GRID2: variants seen among roughly 807,000 people sequenced by gnomAD.
GRID2 encodes glutamate receptor ionotropic, delta-2.
GRID2 carries 33 observed loss-of-function variants against 114.8 expected under a neutral mutation model. That is an observed-to-expected ratio of 0.29 (90% CI 0.22 to 0.38). The LOEUF (loss-of-function observed/expected upper bound fraction) is 0.38. Among genes scored for constraint, GRID2 ranks in the 10% least tolerant of loss-of-function variants. The pLI, the probability that GRID2 is intolerant of heterozygous loss-of-function variation, is 1.00. For synonymous variants in GRID2, 505 were observed against 449.9 expected (o/e 1.12, Z -1.55); for missense variants, 1,184 against 1,257.7 (o/e 0.94, Z 0.89).
At chr4:93,478,569 A>T (rs563477780) in intron 11 of GRID2, among the ~76,000 whole-genome samples, 4 of 151,476 alleles carry the variant, frequency 2.6e-5, no homozygotes, top group African/African-American at 9.6e-5. Context: ...ATTAAATATG[A>T]TAAAATATTA....
At chr4:93,169,916 T>C (rs538156319) in intron 4 of GRID2, among the ~76,000 whole-genome samples, 11 of 152,334 alleles carry the variant, frequency 7.2e-5, no homozygotes, top group South Asian at 2.1e-4. Flanking sequence ...ATGACACTTA[T>C]AAATATGCAA....
chr4:92,428,564 C>G (rs1008001055), intron 1 of GRID2, among the ~76,000 whole-genome samples: 1 of 151,936 alleles, frequency 6.6e-6, no homozygotes, highest in South Asian at 2.1e-4. Flanking sequence ...TAGCATTTAT[C>G]ATAATTTTCT....
intron 9 of GRID2, among the ~76,000 whole-genome samples, chr4:93,412,385 C>T (rs2149354417): frequency 6.6e-6 from 1 of 152,208 alleles, no homozygotes; most frequent in South Asian, 2.1e-4. Context: ...GATAACAAGA[C>T]CCCATATCTT....
intron 3 of GRID2, among the ~76,000 whole-genome samples, chr4:93,095,111 G>A (rs1236594024): frequency 3.3e-5 from 5 of 151,780 alleles, no homozygotes; most frequent in African/African-American, 4.8e-5. Context: ...TAAAACACTA[G>A]CAAGACCATT....
chr4:93,171,893 G>A (rs761951215), intron 4 of GRID2, among the ~76,000 whole-genome samples: 2 of 152,098 alleles, frequency 1.3e-5, no homozygotes, highest in Non-Finnish European at 2.9e-5. Context: ...TATGACCAGA[G>A]GTGTGTTAGT....
At chr4:93,726,126 T>C (rs1414276260) in intron 14 of GRID2, among the ~76,000 whole-genome samples, 2 of 152,236 alleles carry the variant, frequency 1.3e-5, no homozygotes, top group Non-Finnish European at 2.9e-5. Flanking sequence ...AGGTCTAACA[T>C]GTAAGTCTTT....
chr4:93,153,771 G>A (rs530492279), intron 4 of GRID2, among the ~76,000 whole-genome samples: 3 of 152,136 alleles, frequency 2.0e-5, no homozygotes, highest in Non-Finnish European at 4.4e-5. Flanking sequence ...ACTGATTTTA[G>A]TTTTCTCATT....
chr4:92,412,688 A>T (rs1433850628), intron 1 of GRID2, among the ~76,000 whole-genome samples: 1 of 151,960 alleles, frequency 6.6e-6, no homozygotes, highest in Admixed American at 6.5e-5. Flanking sequence ...CATCCCTGCC[A>T]TACTACTTAG....
At chr4:93,369,402 C>T (rs77544934) in intron 8 of GRID2, among the ~76,000 whole-genome samples, 4 of 152,134 alleles carry the variant, frequency 2.6e-5, no homozygotes, top group South Asian at 2.1e-4. Context: ...AATAAAGCAA[C>T]GTTTGTTTCC....
At chr4:93,752,280 G>A (rs893072914) in intron 14 of GRID2, among the ~76,000 whole-genome samples, 2 of 152,100 alleles carry the variant, frequency 1.3e-5, no homozygotes, top group African/African-American at 4.8e-5. Flanking sequence ...GAGGGATCAT[G>A]TTATCTTGCC....
intron 1 of GRID2, among the ~76,000 whole-genome samples, chr4:92,579,373 C>T (rs1331113713): frequency 6.6e-6 from 1 of 151,782 alleles, no homozygotes; most frequent in African/African-American, 2.4e-5. Flanking sequence ...TCTTTTTCTT[C>T]AAAAGAGGAT....
intron 7 of GRID2, among the ~76,000 whole-genome samples, chr4:93,230,664 A>G (rs1016803126): frequency 1.3e-5 from 2 of 152,076 alleles, no homozygotes; most frequent in Non-Finnish European, 2.9e-5. Flanking sequence ...TTTAAATACC[A>G]GGTTTTTTGG....
chr4:93,251,448 TA>T (rs2149531932), intron 8 of GRID2, among the ~76,000 whole-genome samples: 1 of 152,344 alleles, frequency 6.6e-6, no homozygotes, highest in African/African-American at 2.4e-5. Context: ...GAGCTTATTT[TA>T]AGCAAAACTG....
At chr4:92,398,449 C>CA (rs1486705990) in intron 1 of GRID2, among the ~76,000 whole-genome samples, 1 of 151,590 alleles carries the variant, frequency 6.6e-6, no homozygotes, top group African/African-American at 2.4e-5. Context: ...TACAGGGGTA[C>CA]ACCACCACAC....
At chr4:92,553,720 C>T (rs1239732520) in intron 1 of GRID2, among the ~76,000 whole-genome samples, 8 of 152,064 alleles carry the variant, frequency 5.3e-5, no homozygotes, top group Non-Finnish European at 8.8e-5. Context: ...GGTGCAATCT[C>T]GGCTCACTGC....
At chr4:93,038,142 G>A (rs979802380) in intron 2 of GRID2, among the ~76,000 whole-genome samples, 2 of 152,052 alleles carry the variant, frequency 1.3e-5, no homozygotes, top group Admixed American at 1.3e-4. Flanking sequence ...CTTGAGCAGT[G>A]GTTTGTAGTT....
intron 13 of GRID2, among the ~76,000 whole-genome samples, chr4:93,523,635 T>A (rs890994396): frequency 2.6e-4 from 40 of 152,198 alleles, no homozygotes; most frequent in Non-Finnish European, 5.9e-5. Context: ...GTTGATAAGA[T>A]GAGTGTAGGT....
In GRID2 at chr4:93,216,880, A is replaced by G; in HGVS notation, c.932A>G (p.Asp311Gly). 1 of 1,612,816 alleles carries G rather than the reference A, an allele frequency of 6.2e-7. No homozygotes were observed. The highest frequency in any genetic ancestry group is 8.5e-7 in the Non-Finnish European group (1 of 1,178,938). Reference protein sequence around the residue: ...GNHRISSTLCDPKDPFAQNME... With the variant: ...GNHRISSTLCGPKDPFAQNME... Reference sequence around the variant, plus strand: ...CATCGAATATCTTCAACATTGTGTGATCCAAAGGATCCATTTGCTCAGAAT... The same window carrying G: ...CATCGAATATCTTCAACATTGTGTGGTCCAAAGGATCCATTTGCTCAGAAT... The change falls in exon 6 of 16, where the codon GAT (aspartate) becomes GGT (glycine). Residue 311 changes from aspartate to glycine, a missense_variant. Around this residue, in one of 3 missense-constraint regions of GRID2, gnomAD observed 455 missense variants for 429.5 expected, o/e 1.06. Transcript: ENST00000282020.
intron 2 of GRID2, among the ~76,000 whole-genome samples, chr4:92,799,004 T>C (rs571406016): frequency 7.2e-5 from 11 of 152,084 alleles, no homozygotes; most frequent in African/African-American, 2.2e-4. Context: ...AGGGATACGA[T>C]TGGTGGAAGA....
Sources: allele counts gnomAD v4.1 joint callset (sites outside exome capture counted in the v4.1 genomes callset), GRCh38; gene constraint gnomAD v4.1.1; regional missense constraint gnomAD v4.1.1; transcripts MANE v1.5; gene names NCBI Gene and HGNC (gene_info 2026-07-23, HGNC 2026-07-21).